ATPAF1: variants seen among roughly 807,000 people sequenced by gnomAD.
ATPAF1 encodes homolog of yeast ATP11.
Under a neutral mutation model 43.9 loss-of-function variants are expected in ATPAF1, and 26 were observed. The ratio of observed to expected loss-of-function variants is 0.59; its 90% CI spans 0.43 to 0.82. The LOEUF (loss-of-function observed/expected upper bound fraction) is 0.82, where lower values mean the gene tolerates loss of function less well. ATPAF1 is among the 40% of genes least tolerant of loss of function. ATPAF1 has a pLI of 0.00. For synonymous variants in ATPAF1, 157 were observed against 168.0 expected (o/e 0.93, Z 0.50); for missense variants, 366 against 435.0 (o/e 0.84, Z 1.41).
intron 6 of ATPAF1, 198 bp downstream of exon 6, chr1:46,652,383 A>C (rs1676187823): frequency 7.7e-6 from 4 of 522,314 alleles, no homozygotes; most frequent in Non-Finnish European, 9.9e-6. Flanking sequence ...GTCACTTATT[A>C]GTACAATCAA....
chr1:46,658,424 G>T (rs995060386), intron 3 of ATPAF1, among the ~76,000 whole-genome samples: 1 of 152,114 alleles, frequency 6.6e-6, no homozygotes, highest in Non-Finnish European at 1.5e-5. Context: ...CTTCCCAAAG[G>T]CTTCACCCTT....
At chr1:46,636,483 T>C (rs1052772376) in intron 8 of ATPAF1, among the ~76,000 whole-genome samples, 6 of 152,188 alleles carry the variant, frequency 3.9e-5, no homozygotes, top group African/African-American at 1.4e-4. Context: ...ACTACCTTGG[T>C]CAGAAAAGTA....
chr1:46,659,679 T>C (rs1676349732), intron 2 of ATPAF1, among the ~76,000 whole-genome samples: 1 of 152,184 alleles, frequency 6.6e-6, no homozygotes, highest in Non-Finnish European at 1.5e-5. Context: ...GTAGTAGGGA[T>C]GGGTTGTTCT....
Position 46,645,063 on chromosome 1 carries a change from G to A in ATPAF1, c.684+98C>T, listed in dbSNP as rs961668723. 9.0e-6 allele frequency: 8 copies of A among 890,008 alleles called. No homozygotes were observed. In the Admixed American group the frequency reaches 1.7e-4, roughly 18 times the overall value. The allele number at this position is 890,008 out of a possible 1,614,324, so 55.1% of individuals were successfully genotyped here. On this transcript the variant is annotated intron_variant, in intron 7 of 8. Transcript: ENST00000574428. ...TGCGCCACAATAATAAATGCTGGGA[G>A]TAAGCAGCTATTCTGTGTCCTTGAG...
downstream of ATPAF1, chr1:46,633,636 C>G (rs1675788507): frequency 4.8e-6 from 2 of 419,316 alleles, no homozygotes; most frequent in Non-Finnish European, 9.2e-6. Context: ...ATATAAAGAA[C>G]AGCTACGTGG....
chr1:46,663,824 T>A, intron 2 of ATPAF1: 1 of 1,192,464 alleles, frequency 8.4e-7, no homozygotes, highest in Non-Finnish European at 1.1e-6. Flanking sequence ...AATTTTCTAC[T>A]GTAACTACCT....
chr1:46,646,262 TGA>T (rs1569604138), intron 6 of ATPAF1, among the ~76,000 whole-genome samples: 1 of 152,392 alleles, frequency 6.6e-6, no homozygotes, highest in East Asian at 1.9e-4. Context: ...TTATCCATGT[TGA>T]TATCTATAAC....
At chr1:46,658,803 G>A (rs1676328393) in intron 2 of ATPAF1, 66 bp from the exon 3 acceptor site, 3 of 1,134,316 alleles carry the variant, frequency 2.6e-6, no homozygotes, top group East Asian at 2.6e-5. Context: ...ACTAAGCTAG[G>A]TGAAGTACCC....
At chr1:46,666,065 T>C (rs1164701440) in intron 1 of ATPAF1, 4 of 206,146 alleles carry the variant, frequency 1.9e-5, no homozygotes, top group Non-Finnish European at 3.7e-5. Context: ...ATTCCAGCTC[T>C]TTGGCCATGA....
At chr1:46,663,205 C>T (rs563974255) in intron 2 of ATPAF1, among the ~76,000 whole-genome samples, 44 of 152,208 alleles carry the variant, frequency 2.9e-4, no homozygotes, top group Admixed American at 4.6e-4. Flanking sequence ...GGGTTGGTTC[C>T]AAGTCTTTGC....
intron 2 of ATPAF1, among the ~76,000 whole-genome samples, chr1:46,661,752 G>A (rs1187765363): frequency 1.3e-5 from 2 of 152,102 alleles, no homozygotes; most frequent in African/African-American, 2.4e-5. Context: ...ACAAGACTGT[G>A]GGAATGGAAA....
At chr1:46,642,093 T>C (rs563524479) in intron 8 of ATPAF1, among the ~76,000 whole-genome samples, 1 of 152,338 alleles carries the variant, frequency 6.6e-6, no homozygotes, top group East Asian at 1.9e-4. Flanking sequence ...CCTATCTCAG[T>C]TAATGGCAAT....
At chr1:46,658,725 C>A in exon 3 of ATPAF1, 1 of 1,600,980 alleles carries the variant, frequency 6.2e-7, no homozygotes, top group African/African-American at 1.3e-5. Flanking sequence ...GACTGTTTCC[C>A]CAAGGCATCT....
chr1:46,665,863 T>G, intron 1 of ATPAF1: 1 of 1,413,726 alleles, frequency 7.1e-7, no homozygotes, highest in Non-Finnish European at 9.2e-7. Context: ...TCTGAGTATC[T>G]CCCTAACCTA....
chr1:46,658,226 T>TAAAAAAAAAAAAAAAA, intron 3 of ATPAF1, 37 bp from the exon 4 acceptor site: 1 of 1,145,166 alleles, frequency 8.7e-7, no homozygotes. Context: ...AACACATAAT[T>TAAAAAAAAAAAAAAAA]AAAAAAAAAA....
chr1:46,655,423 G>C (rs1557931258), intron 4 of ATPAF1, among the ~76,000 whole-genome samples: 1 of 152,018 alleles, frequency 6.6e-6, no homozygotes, highest in Non-Finnish European at 1.5e-5. Context: ...TGACCTTCAT[G>C]ATGCAAATAC....
chr1:46,662,529 C>T (rs1676410233), intron 2 of ATPAF1, among the ~76,000 whole-genome samples: 1 of 151,414 alleles, frequency 6.6e-6, no homozygotes, highest in South Asian at 2.1e-4. Context: ...CAGGTTCAAG[C>T]GATTCTCCTG....
chr1:46,654,903 G>A (rs1168704168), intron 4 of ATPAF1, among the ~76,000 whole-genome samples: 2 of 152,044 alleles, frequency 1.3e-5, no homozygotes, highest in African/African-American at 4.8e-5. Flanking sequence ...GTATTCCATG[G>A]TGTAAATGTG....
At chr1:46,662,058 C>A (rs966515226) in intron 2 of ATPAF1, among the ~76,000 whole-genome samples, 1 of 152,052 alleles carries the variant, frequency 6.6e-6, no homozygotes, top group African/African-American at 2.4e-5. Context: ...CAACGCCCGG[C>A]TAATTTTTTG....
Sources: allele counts gnomAD v4.1 joint callset (sites outside exome capture counted in the v4.1 genomes callset), GRCh38; gene constraint gnomAD v4.1.1; transcripts MANE v1.5; gene names NCBI Gene and HGNC (gene_info 2026-07-23, HGNC 2026-07-21).